FNIP1: variants seen among roughly 807,000 people sequenced by gnomAD.
FNIP1 encodes the protein folliculin interacting protein 1.
A neutral mutation model predicts 124.5 loss-of-function variants in FNIP1; 40 were observed. That is an observed-to-expected ratio of 0.32 (90% CI 0.25 to 0.42). The LOEUF (loss-of-function observed/expected upper bound fraction) is 0.42. FNIP1 is among the 10% of genes least tolerant of loss of function. The probability of loss-of-function intolerance (pLI) is 1.00; values close to 1 mark genes in which losing one functional copy is unlikely to be tolerated. For missense variants in FNIP1, 1,176 were observed against 1,403.7 expected (o/e 0.84, Z 2.59); for synonymous variants, 472 against 470.6 (o/e 1.00, Z -0.04).
rs928246186 is a variant in FNIP1, at chr5:131,644,735, C to A, written c.3451G>T (p.Ala1151Ser). The A allele has an allele frequency of 6.2e-7, 1 of 1,613,680 alleles. No homozygotes were observed. The highest frequency in any genetic ancestry group is 1.3e-5 in the African/African-American group (1 of 74,844). Residue 1151 changes from alanine to serine, a missense_variant, in exon 18 of 18, where the codon GCT becomes TCT. Transcript: ENST00000510461. ...GGAGAGTGAGTGCTTGCTACAGCAG[C>A]CAGAAGTGGAAGATCACTGGATTCA... is the stretch of plus-strand genomic sequence containing the variant. ...GIESSDLPLL[A>S]AVASTHSPYV... is the part of the protein sequence containing the mutation.
intron 6 of FNIP1, 55 bp from the exon 7 acceptor site, chr5:131,710,716 A>G: frequency 6.6e-7 from 1 of 1,509,806 alleles, no homozygotes; most frequent in Non-Finnish European, 9.1e-7. Context: ...AGAAGCCACA[A>G]TGCGTCAGGG....
Position 131,670,586 on chromosome 5 carries a change from G to A in FNIP1, c.2985C>T (p.Asn995=), listed in dbSNP as rs1767721189. 12 of 1,613,438 alleles carry A rather than the reference G, an allele frequency of 7.4e-6. No homozygotes were observed. The East Asian group carries it at 2.7e-4, about 36-fold the overall frequency. The change falls in exon 15 of 18, where the codon AAC becomes AAT. Residue 995 remains asparagine (N), a synonymous_variant. Coordinates refer to ENST00000510461, the MANE Select transcript of FNIP1 (RefSeq NM_133372.3). ...AGCCACCCAGCAAGGACCTCCCGAA[G>A]TTGGCAATGTTGGGCTGAACAGCAC... The part of the protein sequence containing the change: ...EVSAVQPNIA[N]FGRSLLGGYC...
At chr5:131,740,496 G>C (rs188261900) in intron 2 of FNIP1, among the ~76,000 whole-genome samples, 333 of 152,268 alleles carry the variant, frequency 2.2e-3, no homozygotes, top group African/African-American at 5.9e-3. Context: ...CATGTGAATG[G>C]TCATATAACT....
rs146796556 is a variant in FNIP1 at position 131,677,716 on chromosome 5, A to G, written c.1506T>C (p.Leu502=). 6.9e-4 allele frequency: 1,108 copies of G among 1,613,762 alleles called. 11 individuals are homozygous for G. Among genetic ancestry groups the G allele is most frequent in the South Asian group, 5.1e-3 (466 of 91,066 alleles). Residue 502 remains leucine, a synonymous_variant, in exon 13 of 18, where the codon CTT becomes CTC. Coordinates refer to ENST00000510461, the MANE Select transcript of FNIP1 (RefSeq NM_133372.3). ...CAGATTACATACCCAGTTGTGCCCA[A>G]AGTGGGTTATATGGATGAGTCTTTG... The part of the protein sequence containing the change: ...MLAKTHPYNP[L]WAQLGDLYGA...
chr5:131,789,639 A>G (rs753654098), intron 1 of FNIP1, among the ~76,000 whole-genome samples: 1 of 152,248 alleles, frequency 6.6e-6, no homozygotes, highest in Non-Finnish European at 1.5e-5. Context: ...CTTGACTAAT[A>G]TAATGGACAC....
At chr5:131,722,540 T>C (rs1215519113) in intron 3 of FNIP1, among the ~76,000 whole-genome samples, 2 of 152,346 alleles carry the variant, frequency 1.3e-5, no homozygotes, top group Non-Finnish European at 2.9e-5. Flanking sequence ...ATCATGTGAC[T>C]CTTTTACTCC....
chr5:131,669,396 C>T (rs1423557538), intron 15 of FNIP1, among the ~76,000 whole-genome samples: 1 of 152,010 alleles, frequency 6.6e-6, no homozygotes, highest in Non-Finnish European at 1.5e-5. Flanking sequence ...AGCAATATTT[C>T]TCATGAATAT....
intron 3 of FNIP1, among the ~76,000 whole-genome samples, chr5:131,721,446 T>A (rs538538258): frequency 6.6e-6 from 1 of 152,170 alleles, no homozygotes; most frequent in Non-Finnish European, 1.5e-5. Flanking sequence ...AAACAATTCA[T>A]TGTACACTTA....
chr5:131,673,099 G>A (rs1367504907), intron 13 of FNIP1, among the ~76,000 whole-genome samples, 175 bp from the exon 14 acceptor site: 1 of 151,388 alleles, frequency 6.6e-6, no homozygotes, highest in African/African-American at 2.4e-5. Flanking sequence ...CCTGGCTGGA[G>A]TGCAGTGGTA....
At chr5:131,786,560 T>C (rs1052889289) in intron 1 of FNIP1, among the ~76,000 whole-genome samples, 4 of 152,210 alleles carry the variant, frequency 2.6e-5, no homozygotes, top group African/African-American at 7.2e-5. Flanking sequence ...AATTGGGGGA[T>C]TAGAGTGCTA....
At chr5:131,759,265 C>G (rs1383399153) in intron 1 of FNIP1, among the ~76,000 whole-genome samples, 1 of 152,080 alleles carries the variant, frequency 6.6e-6, no homozygotes, top group Non-Finnish European at 1.5e-5. Context: ...CCTAATTAAA[C>G]TAAACAGCTT....
At chr5:131,766,881 T>C (rs1270545417) in intron 1 of FNIP1, among the ~76,000 whole-genome samples, 1 of 152,124 alleles carries the variant, frequency 6.6e-6, no homozygotes, top group Non-Finnish European at 1.5e-5. Context: ...CCTCTGCCTT[T>C]TTTTTGTTCT....
At chr5:131,673,041 T>A in intron 13 of FNIP1, 117 bp from the exon 14 acceptor site, 1 of 732,982 alleles carries the variant, frequency 1.4e-6, no homozygotes, top group Non-Finnish European at 2.1e-6. Context: ...TAGGTTTTAC[T>A]CGTTTTTTTG....
At chr5:131,745,331 C>A (rs1369264338) in intron 1 of FNIP1, among the ~76,000 whole-genome samples, 2 of 152,032 alleles carry the variant, frequency 1.3e-5, no homozygotes, top group African/African-American at 4.8e-5. Flanking sequence ...CCAGCCTGGA[C>A]AACATAGTGA....
At chr5:131,752,932 T>C (rs1176453469) in intron 1 of FNIP1, among the ~76,000 whole-genome samples, 4 of 151,858 alleles carry the variant, frequency 2.6e-5, no homozygotes, top group Non-Finnish European at 5.9e-5. Context: ...ATTAGCCAGG[T>C]GTGGTGGTGC....
At chr5:131,675,511 T>C (rs1241809436) in intron 13 of FNIP1, among the ~76,000 whole-genome samples, 1 of 152,166 alleles carries the variant, frequency 6.6e-6, no homozygotes, top group Non-Finnish European at 1.5e-5. Flanking sequence ...TTTAAAAAGG[T>C]CCATGCAATG....
chr5:131,695,104 CAAAT>C (rs72306515), intron 11 of FNIP1, among the ~76,000 whole-genome samples: 83,010 of 137,440 alleles, frequency 0.6, 26,055 homozygotes, highest in Admixed American at 0.7. Context: ...GACACTGTCT[CAAAT>C]AAATAAATAA....
chr5:131,781,628 T>C (rs1771999715), intron 1 of FNIP1, among the ~76,000 whole-genome samples: 1 of 152,210 alleles, frequency 6.6e-6, no homozygotes, highest in Admixed American at 6.5e-5. Flanking sequence ...TAACTGAGTA[T>C]TTTAAGCCCA....
intron 5 of FNIP1, 111 bp downstream of exon 5, chr5:131,718,875 A>G: frequency 1.2e-6 from 1 of 827,456 alleles, no homozygotes; most frequent in Non-Finnish European, 1.9e-6. Context: ...TTTAAACTTA[A>G]GGAAAGACAG....
Sources: gnomAD v4.1 joint callset for allele counts (sites outside exome capture counted in the v4.1 genomes callset) on GRCh38, gnomAD v4.1.1 for gene constraint, MANE v1.5 for transcripts, NCBI Gene and HGNC (gene_info 2026-07-23, HGNC 2026-07-21) for gene names.